The following RBFOX1 variants were observed in gnomAD, a reference collection of about 807,000 sequenced individuals.
RBFOX1 encodes RNA binding fox-1 homolog 1, also known as RNA binding protein fox-1 homolog 1.
A neutral mutation model predicts 57.7 loss-of-function variants in RBFOX1; 8 were observed. That is an observed-to-expected ratio of 0.14 (90% CI 0.08 to 0.25). RBFOX1 has a LOEUF of 0.25. Among genes scored for constraint, RBFOX1 ranks in the 10% least tolerant of loss-of-function variants. The probability of loss-of-function intolerance (pLI) is 1.00; values close to 1 mark genes in which losing one functional copy is unlikely to be tolerated. For synonymous variants in RBFOX1, 326 were observed against 222.4 expected, an observed-to-expected ratio of 1.47 and a Z score of -4.15; for missense variants, 611 against 548.5, an observed-to-expected ratio of 1.11 and a Z score of -1.14.
intron 2 of RBFOX1, among the ~76,000 whole-genome samples, chr16:6,499,405 T>G (rs1013072463): frequency 1.3e-5 from 2 of 152,150 alleles, no homozygotes; most frequent in African/African-American, 2.4e-5. Context: ...AAATCTTAAT[T>G]AAAATAAAAA....
intron 2 of RBFOX1, among the ~76,000 whole-genome samples, chr16:6,475,148 T>A (rs1285590355): frequency 6.6e-6 from 1 of 152,172 alleles, no homozygotes; most frequent in Non-Finnish European, 1.5e-5. Flanking sequence ...CTTTGGGTGG[T>A]GAAATAATGT....
At chr16:7,035,588 G>A (rs923153756) in intron 3 of RBFOX1, among the ~76,000 whole-genome samples, 16 of 151,926 alleles carry the variant, frequency 1.1e-4, no homozygotes, top group African/African-American at 2.9e-4. Flanking sequence ...AAAGCTCTGC[G>A]TTGTTGGTTT....
intron 1 of RBFOX1, among the ~76,000 whole-genome samples, chr16:6,266,500 G>A (rs969525929): frequency 6.6e-6 from 1 of 152,010 alleles, no homozygotes; most frequent in African/African-American, 2.4e-5. Flanking sequence ...GATCACTTGA[G>A]GTCAGGAGTT....
intron 4 of RBFOX1, among the ~76,000 whole-genome samples, chr16:7,240,213 C>T (rs139682163): frequency 6.6e-6 from 1 of 152,090 alleles, no homozygotes; most frequent in Non-Finnish European, 1.5e-5. Context: ...GTGATCCTCC[C>T]GCCTCGGCCT....
Position 5,356,800 on chromosome 16 carries a change from C to G in RBFOX1, c.220-110416C>G, listed in dbSNP as rs112744112. Among the ~76,000 whole-genome samples, 40 of 152,288 alleles carry G rather than the reference C, an allele frequency of 2.6e-4. 1 individual carries two copies. Among genetic ancestry groups the G allele is most frequent in the African/African-American group, 8.4e-4 (35 of 41,550 alleles). The stretch of plus-strand genomic sequence containing the variant: ...TTAATTTATTTGACTGCTTTGATGT[C>G]TAGTTGACATCGTTGTTGTCATTGT... On this transcript the variant is annotated intron_variant, in intron 1 of 2. Coordinates refer to the RBFOX1 transcript ENST00000585867.
chr16:5,557,187 G>A (rs187773519), intron 2 of RBFOX1, among the ~76,000 whole-genome samples: 213 of 152,084 alleles, frequency 1.4e-3, no homozygotes, highest in African/African-American at 4.9e-3. Context: ...TTGAACCCAG[G>A]AGGCAGAGGT....
intron 3 of RBFOX1, among the ~76,000 whole-genome samples, chr16:5,844,499 C>T (rs530303728): frequency 1.3e-5 from 2 of 152,244 alleles, no homozygotes; most frequent in African/African-American, 2.4e-5. Flanking sequence ...GATAAATTCA[C>T]GAAGCTCCTG....
intron 1 of RBFOX1, among the ~76,000 whole-genome samples, chr16:6,076,940 TTAA>T (rs930355620): frequency 2.0e-5 from 3 of 152,188 alleles, no homozygotes; most frequent in Admixed American, 2.0e-4. Flanking sequence ...CACAGTGCAC[TTAA>T]TAAGATGAAC....
chr16:7,097,269 C>T (rs1414669805), intron 4 of RBFOX1, among the ~76,000 whole-genome samples: 3 of 151,932 alleles, frequency 2.0e-5, no homozygotes, highest in Admixed American at 1.3e-4. Context: ...CCATTGTGTA[C>T]GTGGAAATTC....
intron 2 of RBFOX1, among the ~76,000 whole-genome samples, chr16:6,385,867 A>G (rs1014382776): frequency 6.6e-6 from 1 of 151,722 alleles, no homozygotes; most frequent in South Asian, 2.1e-4. Context: ...TGCCAATGAG[A>G]TCTTTGTATG....
At chr16:5,479,381 G>T (rs1395223574) in intron 2 of RBFOX1, among the ~76,000 whole-genome samples, 1 of 152,312 alleles carries the variant, frequency 6.6e-6, no homozygotes, top group African/African-American at 2.4e-5. Flanking sequence ...TAGAGATGGG[G>T]TTTGAACCCT....
At chr16:5,267,701 C>T (rs1014195507) in intron 1 of RBFOX1, among the ~76,000 whole-genome samples, 10 of 152,202 alleles carry the variant, frequency 6.6e-5, no homozygotes, top group African/African-American at 2.2e-4. Context: ...TTCTCTACTT[C>T]CAGAGTTCCC....
At chr16:6,904,770 TGCCCGG>T (rs2069398708) in intron 3 of RBFOX1, among the ~76,000 whole-genome samples, 1 of 152,092 alleles carries the variant, frequency 6.6e-6, no homozygotes, top group African/African-American at 2.4e-5. Context: ...CCAGTTCACC[TGCCCGG>T]GCTACTTGTG....
At position 7,134,384 on chromosome 16, in the gene RBFOX1, G is replaced by A. The variant is rs545470210; in HGVS notation, c.27+82286G>A. On this transcript the variant is annotated intron_variant, in intron 4 of 15. Transcript: ENST00000550418. ...AAGACTTTAACATCGCTCTGGGAGA[G>A]GATTTATAGTGATGGTGATTACTTC... Among the ~76,000 whole-genome samples, 9 of 152,246 alleles carry A rather than the reference G, an allele frequency of 5.9e-5. No individual in the cohort carries two copies. The Middle Eastern group carries it at 0.01, about 174-fold the overall frequency.
At chr16:6,785,684 G>A (rs1240475884) in intron 3 of RBFOX1, among the ~76,000 whole-genome samples, 1 of 152,086 alleles carries the variant, frequency 6.6e-6, no homozygotes, top group Non-Finnish European at 1.5e-5. Context: ...CATGTTCCAT[G>A]TGAGCATGTT....
rs60784195 is a variant in RBFOX1 at position 7,209,142 on chromosome 16, AAATAATAATAATAAT to A, written c.27+157075_27+157089del. Among the ~76,000 whole-genome samples, 1,342 of 140,474 alleles carry A rather than the reference AAATAATAATAATAAT, an allele frequency of 9.6e-3. 18 individuals are homozygous for A. Among genetic ancestry groups the A allele is most frequent in the African/African-American group, 0.031 (1,180 of 38,406 alleles). 92.2% of individuals were successfully genotyped at this position (140,474 alleles called of 152,430 possible). A position where few individuals can be genotyped will look rare whatever the true frequency, so the allele number is the denominator to read the frequency against. ...AAACTCTGTCTCTACCAAAAATACA[AAATAATAATAATAAT>A]AATAATAATAATAATAATAATAATA... On this transcript the variant is annotated intron_variant, in intron 4 of 15. Transcript: ENST00000550418.
chr16:6,954,068 C>G (rs1481863014), intron 3 of RBFOX1, among the ~76,000 whole-genome samples: 1 of 152,152 alleles, frequency 6.6e-6, no homozygotes, highest in Non-Finnish European at 1.5e-5. Flanking sequence ...ACTTCTCTGT[C>G]AACAAGGCGG....
At chr16:5,349,627 A>G (rs1332423944) in intron 1 of RBFOX1, among the ~76,000 whole-genome samples, 1 of 151,856 alleles carries the variant, frequency 6.6e-6, no homozygotes, top group Non-Finnish European at 1.5e-5. Context: ...GAGCCAGACC[A>G]TGCCATTGCA....
chr16:7,234,958 G>A (rs1355370085), intron 4 of RBFOX1, among the ~76,000 whole-genome samples: 1 of 151,924 alleles, frequency 6.6e-6, no homozygotes, highest in Non-Finnish European at 1.5e-5. Flanking sequence ...CCTGTAGCTT[G>A]GATCCAAGAA....
Sources: allele counts gnomAD v4.1 joint callset (sites outside exome capture counted in the v4.1 genomes callset), GRCh38; gene constraint gnomAD v4.1.1; transcripts MANE v1.5; gene names NCBI Gene and HGNC (gene_info 2026-07-23, HGNC 2026-07-21).